Variants in GDA observed in about 807,000 individuals in gnomAD.
The protein encoded by GDA is cytoplasmic PSD-95 interactor.
In GDA, 18 loss-of-function variants were observed where a neutral mutation model predicts 59.6. That is an observed-to-expected ratio of 0.30 (90% confidence interval 0.21 to 0.45). GDA has a LOEUF of 0.45. GDA is among the 20% of genes least tolerant of loss of function. The pLI is 1.00. For synonymous variants in GDA, 201 were observed against 201.1 expected, an observed-to-expected ratio of 1.00 and a Z score of 0.00; for missense variants, 427 against 552.3, an observed-to-expected ratio of 0.77 and a Z score of 2.27.
chr9:72,183,928 C>G (rs1013970164), intron 1 of GDA, among the ~76,000 whole-genome samples: 13 of 152,030 alleles, frequency 8.6e-5, no homozygotes, highest in African/African-American at 3.1e-4. Flanking sequence ...ACCGTTTTTC[C>G]TTCCATGAGT....
At chr9:72,140,322 T>A (rs78150282) in intron 1 of GDA, among the ~76,000 whole-genome samples, 1,851 of 152,188 alleles carry the variant, frequency 0.012, 12 homozygotes, top group Middle Eastern at 0.024. Context: ...CTTGTGATCA[T>A]GAGGAGGGAG....
chr9:72,133,305 A>AAT (rs1554722421), intron 1 of GDA, among the ~76,000 whole-genome samples: 2 of 131,510 alleles, frequency 1.5e-5, no homozygotes, highest in Non-Finnish European at 1.6e-5. Context: ...AAAAAAAAAA[A>AAT]AAAAATAATA....
intron 5 of GDA, among the ~76,000 whole-genome samples, chr9:72,219,246 T>C (rs886899600): frequency 2.0e-5 from 3 of 151,898 alleles, no homozygotes; most frequent in Non-Finnish European, 4.4e-5. Flanking sequence ...CTACTAAAAA[T>C]ACAAAAATTA....
At chr9:72,228,067 A>T (rs1254336341) in intron 9 of GDA, 27 bp downstream of exon 9, 20 of 1,233,572 alleles carry the variant, frequency 1.6e-5, no homozygotes, top group Non-Finnish European at 2.3e-5. Context: ...TGTTTGGTAG[A>T]TTACGAATGA....
chr9:72,251,028 T>C lies in GDA; in HGVS notation c.*2686T>C. 1.8e-6 allele frequency: 1 copy of C among 547,626 alleles called. No homozygotes were observed. The highest frequency in any genetic ancestry group is 2.2e-5 in the South Asian group (1 of 44,828). 33.9% of individuals were successfully genotyped at this position (547,626 alleles called of 1,614,324 possible). ...AAGGAGACTGTTCCCTAATTTATTCTCTTGGCTGGTTCTCTCATTGAATTA... is the reference window on the plus strand; with the variant it reads ...AAGGAGACTGTTCCCTAATTTATTCCCTTGGCTGGTTCTCTCATTGAATTA... On this transcript the variant is annotated 3_prime_UTR_variant, in exon 14 of 14. Transcript: ENST00000358399.
At chr9:72,194,213 C>A (rs1007318275) in intron 1 of GDA, 4 of 152,086 alleles carry the variant, frequency 2.6e-5, no homozygotes, top group Admixed American at 6.5e-5. Context: ...GAGTCTTGCC[C>A]CATAGCCACC....
intron 1 of GDA, among the ~76,000 whole-genome samples, chr9:72,124,818 C>T (rs1022295240): frequency 6.6e-6 from 1 of 152,140 alleles, no homozygotes; most frequent in East Asian, 1.9e-4. Flanking sequence ...CCATGGTGGT[C>T]AGGCTGGTCT....
intron 10 of GDA, among the ~76,000 whole-genome samples, chr9:72,239,737 A>C (rs1226627306): frequency 6.6e-6 from 1 of 152,170 alleles, no homozygotes; most frequent in Non-Finnish European, 1.5e-5. Context: ...AGCTATGATA[A>C]AAATGAAGAT....
At chr9:72,165,662 C>G (rs1279612218) in intron 1 of GDA, among the ~76,000 whole-genome samples, 1 of 152,046 alleles carries the variant, frequency 6.6e-6, no homozygotes, top group Non-Finnish European at 1.5e-5. Context: ...CTGTGGGAGG[C>G]CGAGGTGGGC....
intron 4 of GDA, among the ~76,000 whole-genome samples, chr9:72,212,890 A>G (rs999916369): frequency 1.3e-5 from 2 of 152,144 alleles, no homozygotes; most frequent in Non-Finnish European, 1.5e-5. Context: ...CTCCTTTACC[A>G]TGTGATAAAA....
At chr9:72,224,424 C>T (rs1033423149) in intron 7 of GDA, among the ~76,000 whole-genome samples, 2 of 152,056 alleles carry the variant, frequency 1.3e-5, no homozygotes, top group African/African-American at 2.4e-5. Context: ...AATTTAGCTA[C>T]GCATATTCTA....
At chr9:72,234,044 A>T (rs1420620302) in intron 10 of GDA, among the ~76,000 whole-genome samples, 1 of 152,192 alleles carries the variant, frequency 6.6e-6, no homozygotes, top group Non-Finnish European at 1.5e-5. Context: ...CAGCAGGAGG[A>T]TGGATAAGCA....
At chr9:72,117,969 A>G (rs1825514262) in intron 1 of GDA, among the ~76,000 whole-genome samples, 1 of 152,268 alleles carries the variant, frequency 6.6e-6, no homozygotes, top group African/African-American at 2.4e-5. Context: ...TGTAGGCGAA[A>G]GATATTAAGA....
intron 1 of GDA, among the ~76,000 whole-genome samples, chr9:72,125,061 T>C (rs946837473): frequency 6.6e-5 from 10 of 152,230 alleles, no homozygotes; most frequent in African/African-American, 2.4e-4. Context: ...GAGAGAGGAC[T>C]CAAAGGATTC....
In GDA at chr9:72,249,253, C is replaced by T. The variant is rs1174940879; in HGVS notation, c.*911C>T. The T allele has an allele frequency of 1.1e-5, 11 of 984,890 alleles. No homozygotes were observed. In the South Asian group the frequency reaches 1.4e-4, roughly 13 times the overall value. The allele number at this position is 984,890 out of a possible 1,614,324, so 61.0% of individuals were successfully genotyped here. A position where few individuals can be genotyped will look rare whatever the true frequency, so the allele number is the denominator to read the frequency against. ...GGGGCAAATGCTGGCATCCAGGAGC[C>T]GCCAATACTAACAGGACAGGTTCCA... On this transcript the variant is annotated 3_prime_UTR_variant, in exon 14 of 14. Coordinates refer to ENST00000358399, the MANE Select transcript of GDA (RefSeq NM_004293.5).
chr9:72,131,509 A>G (rs1182117335), intron 1 of GDA, among the ~76,000 whole-genome samples: 4 of 152,102 alleles, frequency 2.6e-5, no homozygotes, highest in Non-Finnish European at 2.9e-5. Context: ...ACCAGGCCCC[A>G]TCTCCAACAC....
chr9:72,246,480 C>T (rs1840152900), intron 12 of GDA, among the ~76,000 whole-genome samples: 1 of 152,186 alleles, frequency 6.6e-6, no homozygotes, highest in Non-Finnish European at 1.5e-5. Flanking sequence ...ACATAGGTGC[C>T]TTCATAAGGA....
At chr9:72,234,386 T>C (rs2131699524) in intron 10 of GDA, among the ~76,000 whole-genome samples, 1 of 152,324 alleles carries the variant, frequency 6.6e-6, no homozygotes, top group Admixed American at 6.5e-5. Context: ...ACTGAACATC[T>C]AAGTTATATA....
At chr9:72,126,662 G>T (rs975887888) in intron 1 of GDA, among the ~76,000 whole-genome samples, 87 of 149,690 alleles carry the variant, frequency 5.8e-4, no homozygotes, top group Middle Eastern at 3.5e-3. Context: ...TGCCTCCCGG[G>T]GTCAAGTGAT....
Sources: gnomAD v4.1 joint callset for allele counts (sites outside exome capture counted in the v4.1 genomes callset) on GRCh38, gnomAD v4.1.1 for gene constraint, MANE v1.5 for transcripts, NCBI Gene and HGNC (gene_info 2026-07-23, HGNC 2026-07-21) for gene names.